VPS53: variants seen among roughly 807,000 people sequenced by gnomAD.
VPS53 encodes vacuolar protein sorting-associated protein 53 homolog.
Under a neutral mutation model 107.0 loss-of-function variants are expected in VPS53, and 70 were observed. The ratio of observed to expected loss-of-function variants is 0.65; its 90% confidence interval spans 0.54 to 0.80. The LOEUF is 0.80. Ranked by LOEUF, VPS53 falls within the 30% of genes least tolerant of loss-of-function variation. The pLI, the probability that VPS53 is intolerant of heterozygous loss-of-function variation, is 0.00. For missense variants in VPS53, 917 were observed against 1,049.4 expected, an observed-to-expected ratio of 0.87 and a Z score of 1.74; for synonymous variants, 409 against 393.3, an observed-to-expected ratio of 1.04 and a Z score of -0.47.
intron 11 of VPS53, among the ~76,000 whole-genome samples, chr17:611,026 G>A (rs545270250): frequency 4.6e-5 from 7 of 151,864 alleles, no homozygotes; most frequent in Non-Finnish European, 1.0e-4. Flanking sequence ...ACTAAAAAAT[G>A]GGCAAAAAAT....
chr17:714,487 C>G, intron 1 of VPS53, 136 bp downstream of exon 1: 1 of 760,890 alleles, frequency 1.3e-6, no homozygotes, highest in East Asian at 2.7e-5. Context: ...TCACCCGCAC[C>G]ACCTCCCCAC....
intron 8 of VPS53, among the ~76,000 whole-genome samples, chr17:630,476 A>G (rs1007598244): frequency 6.6e-6 from 1 of 151,616 alleles, no homozygotes; most frequent in Non-Finnish European, 1.5e-5. Flanking sequence ...TCCAATATCT[A>G]CTCCCTCCCT....
intron 12 of VPS53, among the ~76,000 whole-genome samples, chr17:596,033 CTA>C (rs1967956586): frequency 6.6e-6 from 1 of 151,198 alleles, no homozygotes; most frequent in Non-Finnish European, 1.5e-5. Context: ...ATGGACTCTA[CTA>C]TGTTAGCTGT....
chr17:531,214 T>C (rs1909510804), intron 19 of VPS53, among the ~76,000 whole-genome samples: 1 of 152,176 alleles, frequency 6.6e-6, no homozygotes, highest in Admixed American at 6.5e-5. Context: ...GTGAGAATCG[T>C]TCAGGGGCCA....
In VPS53 at chr17:624,934, G is replaced by GCCCT. The variant is rs548899843; in HGVS notation, c.975-1264_975-1261dup. The stretch of plus-strand genomic sequence containing the variant: ...CTTTCTTTCTTTTTCCCTTCCACTC[G>GCCCT]CCCTCCCTCCCTCCCTCCCTCCCTT... On this transcript the variant is annotated intron_variant, in intron 10 of 21. Coordinates refer to ENST00000437048, the MANE Select transcript of VPS53 (RefSeq NM_001128159.3). Among the ~76,000 whole-genome samples the GCCCT allele has an allele frequency of 1.5e-3, 202 of 135,316 alleles. 1 individual carries two copies. Among genetic ancestry groups the GCCCT allele is most frequent in the African/African-American group, 5.3e-3 (190 of 35,888 alleles). The allele number at this position is 135,316 out of a possible 152,430, so 88.8% of individuals were successfully genotyped here.
intron 2 of VPS53, among the ~76,000 whole-genome samples, chr17:707,198 G>A (rs187414704): frequency 3.8e-4 from 58 of 152,270 alleles, no homozygotes; most frequent in Admixed American, 3.2e-3. Flanking sequence ...ATATTCTGGG[G>A]ATACAGGCTT....
At chr17:537,250 G>T (rs910366911) in intron 17 of VPS53, 74 bp from the exon 18 acceptor site, 91 of 1,539,542 alleles carry the variant, frequency 5.9e-5, no homozygotes, top group Middle Eastern at 4.3e-4. Flanking sequence ...GGAAGGGAGG[G>T]GCTGGAGTGG....
intron 13 of VPS53, among the ~76,000 whole-genome samples, chr17:573,618 G>GT (rs1467442056): frequency 6.6e-6 from 1 of 152,192 alleles, no homozygotes; most frequent in African/African-American, 2.4e-5. Context: ...ACCATTTACT[G>GT]TGTGCTGAAG....
At chr17:635,481 T>C (rs956437193) in intron 7 of VPS53, among the ~76,000 whole-genome samples, 14 of 152,230 alleles carry the variant, frequency 9.2e-5, no homozygotes, top group African/African-American at 3.1e-4. Flanking sequence ...CATGCCTATG[T>C]CCTGAATGGT....
intron 2 of VPS53, among the ~76,000 whole-genome samples, chr17:700,132 C>T (rs887253218): frequency 2.0e-5 from 3 of 151,906 alleles, no homozygotes; most frequent in African/African-American, 7.3e-5. Flanking sequence ...TATATAGATC[C>T]ACTAGAAAAA....
At chr17:627,482 A>C (rs1969762961) in intron 9 of VPS53, among the ~76,000 whole-genome samples, 166 bp from the exon 10 acceptor site, 1 of 152,180 alleles carries the variant, frequency 6.6e-6, no homozygotes, top group Admixed American at 6.5e-5. Context: ...TTACTTAAAA[A>C]TTCAGAGGTT....
intron 18 of VPS53, chr17:536,541 T>C (rs1337634565): frequency 6.4e-6 from 1 of 155,662 alleles, no homozygotes; most frequent in African/African-American, 2.4e-5. Context: ...TGGCTGGCAA[T>C]TGTACTGCTG....
intron 19 of VPS53, among the ~76,000 whole-genome samples, chr17:529,398 T>TCA (rs3084065): frequency 0.22 from 33,752 of 150,138 alleles, 3,805 homozygotes; most frequent in Middle Eastern, 0.26. Context: ...ACACACACAC[T>TCA]CACACACACA....
chr17:541,212 T>G (rs1466717909), intron 17 of VPS53, among the ~76,000 whole-genome samples: 1 of 152,182 alleles, frequency 6.6e-6, no homozygotes, highest in Admixed American at 6.5e-5. Context: ...TGATGCCTGG[T>G]GGGGCTTTCA....
intron 11 of VPS53, among the ~76,000 whole-genome samples, chr17:616,986 G>C (rs914799096): frequency 6.6e-6 from 1 of 152,208 alleles, no homozygotes; most frequent in African/African-American, 2.4e-5. Context: ...AAATCACCAG[G>C]AAGTAGGGCC....
intron 18 of VPS53, among the ~76,000 whole-genome samples, chr17:534,596 G>C (rs774605154): frequency 1.3e-5 from 2 of 152,138 alleles, no homozygotes; most frequent in South Asian, 4.1e-4. Flanking sequence ...TGCACACAGC[G>C]CTTTGTAACC....
At chr17:680,797 A>G (rs1972361426) in intron 4 of VPS53, among the ~76,000 whole-genome samples, 1 of 152,236 alleles carries the variant, frequency 6.6e-6, no homozygotes, top group Admixed American at 6.5e-5. Flanking sequence ...GAGCAAATGA[A>G]CAGATACACT....
chr17:651,540 G>C (rs1474821177), intron 7 of VPS53, among the ~76,000 whole-genome samples: 2 of 152,068 alleles, frequency 1.3e-5, no homozygotes, highest in Non-Finnish European at 2.9e-5. Context: ...GCAGTGAGCA[G>C]TAATTCTGCC....
intron 12 of VPS53, among the ~76,000 whole-genome samples, chr17:593,462 G>GA (rs1470840802): frequency 6.6e-6 from 1 of 151,882 alleles, no homozygotes; most frequent in Non-Finnish European, 1.5e-5. Flanking sequence ...AAATTTACAA[G>GA]AAAAAAACAA....
Sources: gnomAD v4.1 joint callset for allele counts (sites outside exome capture counted in the v4.1 genomes callset) on GRCh38, gnomAD v4.1.1 for gene constraint, MANE v1.5 for transcripts, NCBI Gene and HGNC (gene_info 2026-07-23, HGNC 2026-07-21) for gene names.